Variants in TRPM1 observed in about 807,000 individuals in gnomAD.
TRPM1 encodes the protein transient receptor potential cation channel subfamily M member 1, also known as TRPM1-203 APA Isoform, Intron 10.
TRPM1 carries 113 observed loss-of-function variants against 149.4 expected under a neutral mutation model. The observed-to-expected ratio is 0.76, with a 90% CI of 0.65 to 0.88. The LOEUF is 0.88. Among genes scored for constraint, TRPM1 ranks in the 40% least tolerant of loss-of-function variants. TRPM1 has a pLI of 0.00. For synonymous variants in TRPM1, 741 were observed against 759.5 expected, an observed-to-expected ratio of 0.98 and a Z score of 0.40; for missense variants, 1,976 against 2,038.7, an observed-to-expected ratio of 0.97 and a Z score of 0.59.
intron 1 of TRPM1, among the ~76,000 whole-genome samples, chr15:31,140,394 A>G (rs1179585077): frequency 2.0e-5 from 3 of 152,048 alleles, no homozygotes; most frequent in Non-Finnish European, 4.4e-5. Flanking sequence ...AAAAAATTAA[A>G]TAATAGAAAA....
chr15:31,030,028 T>C (rs1348176119), intron 23 of TRPM1, among the ~76,000 whole-genome samples: 1 of 152,242 alleles, frequency 6.6e-6, no homozygotes, highest in African/African-American at 2.4e-5. Flanking sequence ...CTTACCAAGC[T>C]ACTAACACAC....
intron 1 of TRPM1, among the ~76,000 whole-genome samples, chr15:31,111,990 G>C (rs1192982293): frequency 6.6e-6 from 1 of 152,114 alleles, no homozygotes; most frequent in East Asian, 1.9e-4. Context: ...GTTTAAATAA[G>C]CACAAAGACT....
intron 25 of TRPM1, among the ~76,000 whole-genome samples, chr15:31,027,916 T>C (rs999041500): frequency 2.6e-5 from 4 of 151,924 alleles, no homozygotes; most frequent in African/African-American, 9.7e-5. Flanking sequence ...TATCTTGTAT[T>C]CTATAAATGA....
intron 2 of TRPM1, 35 bp from the exon 3 acceptor site, chr15:31,077,019 A>ATC: frequency 7.0e-7 from 1 of 1,436,332 alleles, no homozygotes. Flanking sequence ...TTGGACCAAT[A>ATC]CATTCCCAAG....
rs2034899979 is a variant in TRPM1 at position 31,082,889 on chromosome 15, C to A, written c.-83-1451G>T. On this transcript the variant is annotated intron_variant, in intron 1 of 27. Coordinates refer to ENST00000256552, the MANE Select transcript of TRPM1 (RefSeq NM_001252024.2). ...AGAAGTCTTCCCCTGAAGGGGAGCC[C>A]AGAAATGGTGGGAGCTGGAGTGGAA... Among the ~76,000 whole-genome samples, 2 of 151,980 alleles carry A rather than the reference C, an allele frequency of 1.3e-5. 1 individual carries two copies. Among genetic ancestry groups the A allele is most frequent in the South Asian group, 4.2e-4 (2 of 4,816 alleles).
rs141496302 is a variant in TRPM1, at chr15:31,133,009, C to T, written c.54+27897G>A. On this transcript the variant is annotated intron_variant, in intron 1 of 26. Coordinates refer to the TRPM1 transcript ENST00000542188. ...GTCTCAGGGATGTCTTTATTAGCAGCGTGAGAACAGACTAATACAGTAAAA... is the reference window on the plus strand; with the variant it reads ...GTCTCAGGGATGTCTTTATTAGCAGTGTGAGAACAGACTAATACAGTAAAA... Among the ~76,000 whole-genome samples, 441 of 152,312 alleles carry T rather than the reference C, an allele frequency of 2.9e-3. 1 individual carries two copies. The highest frequency in any genetic ancestry group is 8.0e-3 in the African/African-American group (331 of 41,568).
chr15:31,121,491 A>G (rs1331899461), intron 1 of TRPM1, among the ~76,000 whole-genome samples: 1 of 152,190 alleles, frequency 6.6e-6, no homozygotes, highest in Non-Finnish European at 1.5e-5. Flanking sequence ...AAGAAAGGCC[A>G]TCACTGCTGA....
intron 27 of TRPM1, among the ~76,000 whole-genome samples, chr15:31,022,458 C>T (rs1052230062): frequency 6.6e-6 from 1 of 151,834 alleles, no homozygotes; most frequent in African/African-American, 2.4e-5. Flanking sequence ...TAGTGAGACC[C>T]TGTTTCTACA....
rs965456174 is a variant in TRPM1 at position 31,067,124 on chromosome 15, C to A, written c.557G>T (p.Cys186Phe). Residue 186 changes from cysteine to phenylalanine, a missense_variant, in exon 6 of 28, where the codon TGT (cysteine) becomes TTT (phenylalanine). Coordinates refer to ENST00000256552, the MANE Select transcript of TRPM1 (RefSeq NM_001252024.2). ...GCCCCATGGAGCAATTCCTATAGCA[C>A]AAACCCGGCCTCTGGACTTGGAGGA... is the stretch of plus-strand genomic sequence containing the variant. ...DHSSKSRGRVCAIGIAPWGIV... is the reference protein window; with the variant it reads ...DHSSKSRGRVFAIGIAPWGIV... The A allele has an allele frequency of 4.3e-6, 7 of 1,614,034 alleles. No homozygotes were observed. The highest frequency in any genetic ancestry group is 5.9e-6 in the Non-Finnish European group (7 of 1,180,022).
At chr15:31,159,573 T>C (rs1467911528) in intron 1 of TRPM1, among the ~76,000 whole-genome samples, 2 of 152,198 alleles carry the variant, frequency 1.3e-5, no homozygotes, top group African/African-American at 4.8e-5. Context: ...AAAGCAGATA[T>C]ATGCGCCTGT....
rs1275932205 is a variant in TRPM1 at position 31,058,676 on chromosome 15, G to T, written c.1263+1868C>A. 2.0e-5 allele frequency among the ~76,000 whole-genome samples: 3 copies of T among 152,238 alleles called. No individual in the cohort carries two copies. The East Asian group carries it at 5.8e-4, about 29-fold the overall frequency. On this transcript the variant is annotated intron_variant, in intron 11 of 27. Transcript: ENST00000256552. ...TAGGAAGATGAAACTTGTCAGGAGA[G>T]GAAGGAGGAGTATGGAGTGAATTTC...
chr15:31,101,857 G>T, upstream of TRPM1: 2 of 351,574 alleles, frequency 5.7e-6, no homozygotes, highest in Non-Finnish European at 8.0e-6. Flanking sequence ...AGAAAAGGAA[G>T]CCAGGGCCCC....
intron 1 of TRPM1, among the ~76,000 whole-genome samples, chr15:31,090,738 C>T (rs1345738048): frequency 6.6e-6 from 1 of 151,838 alleles, no homozygotes; most frequent in African/African-American, 2.4e-5. Flanking sequence ...GCCATTTCTT[C>T]GAGTTTAAGC....
At chr15:31,005,704 T>C (rs868620864) in intron 27 of TRPM1, among the ~76,000 whole-genome samples, 1 of 152,332 alleles carries the variant, frequency 6.6e-6, no homozygotes, top group Middle Eastern at 3.4e-3. Flanking sequence ...TTATAGTACG[T>C]ATGAAAGAAG....
intron 1 of TRPM1, among the ~76,000 whole-genome samples, chr15:31,108,724 C>T (rs1163954829): frequency 6.6e-6 from 1 of 152,228 alleles, no homozygotes; most frequent in Non-Finnish European, 1.5e-5. Flanking sequence ...GAACTCCCGA[C>T]CTCAGGTGAT....
chr15:31,002,259 T>C lies in TRPM1; in HGVS notation c.4441A>G (p.Ser1481Gly). Residue 1481 changes from serine to glycine, a missense_variant, in exon 28 of 28, where the codon AGT (serine) becomes GGT (glycine). This residue lies in a region of TRPM1 where 572 missense variants were observed against 578.9 expected (regional missense o/e 0.99). Transcript: ENST00000256552. ...GTCAATTGCTGGTCCGTGATTGAAC[T>C]GTACTCTACATCCTGGTTAACCCCA... ...VGGVNQDVEY[S>G]SITDQQLTTE... The C allele has an allele frequency of 6.2e-7, 1 of 1,614,260 alleles. No individual in the cohort carries two copies. The highest frequency in any genetic ancestry group is 8.5e-7 in the Non-Finnish European group (1 of 1,180,042).
chr15:31,052,732 G>A lies in TRPM1; in HGVS notation c.1264-2150C>T, dbSNP rs754034005. On this transcript the variant is annotated intron_variant, in intron 11 of 27. Transcript: ENST00000256552. Reference sequence around the variant, plus strand: ...AGAGGTTGCAGTGAGCTGAGATCGTGCCGTTGCACTCCAGCCTGGGTGACA... The same window carrying A: ...AGAGGTTGCAGTGAGCTGAGATCGTACCGTTGCACTCCAGCCTGGGTGACA... Among the ~76,000 whole-genome samples, 97 of 152,304 alleles carry A rather than the reference G, an allele frequency of 6.4e-4. 1 individual carries two copies. The Middle Eastern group carries it at 0.01, about 16-fold the overall frequency.
At chr15:31,060,405 T>C (rs1375392027) in intron 11 of TRPM1, 139 bp downstream of exon 11, 1 of 752,798 alleles carries the variant, frequency 1.3e-6, no homozygotes, top group Non-Finnish European at 2.3e-6. Flanking sequence ...CATCTTCTAA[T>C]GAGCCTAATA....
chr15:31,149,522 C>CTTT (rs1274436890), intron 1 of TRPM1, among the ~76,000 whole-genome samples: 92 of 113,364 alleles, frequency 8.1e-4, no homozygotes, highest in African/African-American at 3.1e-3. Flanking sequence ...GCATCTCTCT[C>CTTT]TCTCTTTTTT....
Sources: allele counts gnomAD v4.1 joint callset (sites outside exome capture counted in the v4.1 genomes callset), GRCh38; gene constraint gnomAD v4.1.1; regional missense constraint gnomAD v4.1.1; transcripts MANE v1.5; gene names NCBI Gene and HGNC (gene_info 2026-07-23, HGNC 2026-07-21).